Variants in ESRRG observed in about 807,000 individuals in gnomAD.
ESRRG encodes estrogen-related receptor gamma.
In ESRRG, 13 loss-of-function variants were observed where a neutral mutation model predicts 44.0. The observed-to-expected ratio is 0.30, with a 90% CI of 0.19 to 0.47. The LOEUF is 0.47. Among genes scored for constraint, ESRRG ranks in the 20% least tolerant of loss-of-function variants. The probability of loss-of-function intolerance (pLI) is 1.00; values close to 1 mark genes in which losing one functional copy is unlikely to be tolerated. For synonymous variants in ESRRG, 215 were observed against 214.6 expected, an observed-to-expected ratio of 1.00 and a Z score of -0.02; for missense variants, 395 against 580.6, an observed-to-expected ratio of 0.68 and a Z score of 3.29.
intron 1 of ESRRG, among the ~76,000 whole-genome samples, chr1:217,029,870 G>A (rs1018016876): frequency 2.0e-4 from 30 of 152,184 alleles, no homozygotes; most frequent in Non-Finnish European, 2.8e-4. Flanking sequence ...AAGGAAAGGC[G>A]CGGGTTTGAG....
intron 1 of ESRRG, among the ~76,000 whole-genome samples, chr1:217,079,405 T>C (rs2151503834): frequency 6.6e-6 from 1 of 152,326 alleles, no homozygotes; most frequent in South Asian, 2.1e-4. Flanking sequence ...AATGTTCCCT[T>C]ACTTATCTGA....
At chr1:216,808,610 G>A (rs1219033708) in intron 2 of ESRRG, among the ~76,000 whole-genome samples, 1 of 152,028 alleles carries the variant, frequency 6.6e-6, no homozygotes, top group Non-Finnish European at 1.5e-5. Flanking sequence ...ATTTTTTGTA[G>A]ATGGGGTTTT....
rs577021154 is a variant in ESRRG at position 216,770,501 on chromosome 1, C to A, written c.-13-93010G>T. Among the ~76,000 whole-genome samples, 14 of 152,142 alleles carry A rather than the reference C, an allele frequency of 9.2e-5. No individual in the cohort carries two copies. In the East Asian group the frequency reaches 2.3e-3, roughly 25 times the overall value. ...ATCAGATATTTCTTTTTGCTCTCCA[C>A]CTAACATCAGATCAGAGTAGAAGAT... is the stretch of plus-strand genomic sequence containing the variant. On this transcript the variant is annotated intron_variant, in intron 2 of 7. Coordinates refer to the ESRRG transcript ENST00000359162.
At chr1:216,770,386 T>C (rs1450232550) in intron 2 of ESRRG, among the ~76,000 whole-genome samples, 1 of 152,150 alleles carries the variant, frequency 6.6e-6, no homozygotes, top group Admixed American at 6.6e-5. Context: ...TTAATTAGCA[T>C]TTATTAATTG....
intron 1 of ESRRG, among the ~76,000 whole-genome samples, chr1:216,965,226 C>T (rs898239010): frequency 6.6e-6 from 1 of 151,748 alleles, no homozygotes; most frequent in Non-Finnish European, 1.5e-5. Context: ...CCTCAGGACA[C>T]ATCTTTCCTC....
intron 1 of ESRRG, among the ~76,000 whole-genome samples, chr1:216,995,064 CACTTAAAGATCAAAGACG>C (rs2076212327): frequency 2.6e-5 from 4 of 152,180 alleles, no homozygotes; most frequent in African/African-American, 9.6e-5. Context: ...CACTAGCCTG[CACTTAAAGATCAAAGACG>C]ACTGAGATGA....
chr1:217,020,335 A>G (rs1396629143), intron 1 of ESRRG, among the ~76,000 whole-genome samples: 1 of 152,190 alleles, frequency 6.6e-6, no homozygotes, highest in Non-Finnish European at 1.5e-5. Context: ...TGTCCATCAG[A>G]CACAGTCTAT....
chr1:216,718,781 A>G (rs1374788429), intron 1 of ESRRG, among the ~76,000 whole-genome samples: 1 of 152,000 alleles, frequency 6.6e-6, no homozygotes, highest in Non-Finnish European at 1.5e-5. Flanking sequence ...TCAACATTGT[A>G]TTGTTTCTCT....
chr1:217,117,428 A>G (rs2102483832), intron 1 of ESRRG, among the ~76,000 whole-genome samples: 1 of 152,080 alleles, frequency 6.6e-6, no homozygotes, highest in South Asian at 2.1e-4. Context: ...TACAAAAACC[A>G]AAAAAACCTA....
At chr1:216,813,403 T>A (rs143136306) in intron 2 of ESRRG, among the ~76,000 whole-genome samples, 5 of 152,238 alleles carry the variant, frequency 3.3e-5, no homozygotes, top group African/African-American at 1.2e-4. Flanking sequence ...TATTCAGGAA[T>A]CTCGTTATAC....
intron 2 of ESRRG, among the ~76,000 whole-genome samples, chr1:216,879,484 CAAAAAAAAA>C (rs755104959): frequency 2.2e-5 from 2 of 89,442 alleles, no homozygotes; most frequent in Non-Finnish European, 4.6e-5. Flanking sequence ...AAAAGGCCAC[CAAAAAAAAA>C]AAAAAAAAAA....
intron 1 of ESRRG, among the ~76,000 whole-genome samples, chr1:217,120,973 A>G (rs1166337): frequency 0.12 from 18,542 of 152,270 alleles, 1,325 homozygotes; most frequent in African/African-American, 0.19. Flanking sequence ...TGTCCAAGGC[A>G]TGGCACAGTG....
chr1:217,024,382 T>G (rs2080869540), intron 1 of ESRRG, among the ~76,000 whole-genome samples: 1 of 150,544 alleles, frequency 6.6e-6, no homozygotes, highest in African/African-American at 2.4e-5. Context: ...ATTAGAGCAC[T>G]GAATAACTTC....
At chr1:216,623,611 A>G (rs2062677514) in intron 3 of ESRRG, among the ~76,000 whole-genome samples, 1 of 152,182 alleles carries the variant, frequency 6.6e-6, no homozygotes, top group Non-Finnish European at 1.5e-5. Context: ...AACATAAAAC[A>G]AAGCTAGCCA....
chr1:216,738,085 A>G (rs558413505), intron 2 of ESRRG, among the ~76,000 whole-genome samples: 70 of 149,736 alleles, frequency 4.7e-4, no homozygotes, highest in African/African-American at 1.6e-3. Flanking sequence ...CTTTGGAATC[A>G]CCTGGAGACT....
chr1:217,037,477 C>T (rs746427525), intron 1 of ESRRG, among the ~76,000 whole-genome samples: 5 of 152,166 alleles, frequency 3.3e-5, no homozygotes, highest in East Asian at 1.9e-4. Flanking sequence ...ACCCACTCGC[C>T]GTCAGAAGAA....
In ESRRG at chr1:216,826,706, C is replaced by A. The variant is rs190431067; in HGVS notation, c.-14+112876G>T. 6.6e-5 allele frequency among the ~76,000 whole-genome samples: 10 copies of A among 152,222 alleles called. No individual in the cohort carries two copies. The East Asian group carries it at 1.9e-3, about 29-fold the overall frequency. On this transcript the variant is annotated intron_variant, in intron 2 of 7. Coordinates refer to the ESRRG transcript ENST00000359162. ...ATTGAATCTTTCTGAGTCCAAAAGT[C>A]TTTGTCTTAATTTTAGGCCATACTA...
intron 1 of ESRRG, among the ~76,000 whole-genome samples, chr1:216,688,178 G>T (rs143449765): frequency 6.6e-6 from 1 of 152,104 alleles, no homozygotes; most frequent in Non-Finnish European, 1.5e-5. Context: ...GAAAGCAGGC[G>T]AGCCTGCTTT....
intron 1 of ESRRG, among the ~76,000 whole-genome samples, chr1:216,965,757 G>C (rs2070197042): frequency 6.6e-6 from 1 of 152,220 alleles, no homozygotes; most frequent in South Asian, 2.1e-4. Flanking sequence ...ATATTGGAAA[G>C]AGCTGGGAGT....
Sources: allele counts gnomAD v4.1 joint callset (sites outside exome capture counted in the v4.1 genomes callset), GRCh38; gene constraint gnomAD v4.1.1; transcripts MANE v1.5; gene names NCBI Gene and HGNC (gene_info 2026-07-23, HGNC 2026-07-21).